The following MCPH1 variants were observed in gnomAD, a reference collection of about 807,000 sequenced individuals.
MCPH1 encodes the protein microcephalin 1.
MCPH1 carries 104 observed loss-of-function variants against 84.5 expected under a neutral mutation model. The ratio of observed to expected loss-of-function variants is 1.23; its 90% confidence interval spans 1.05 to 1.45. MCPH1 has a LOEUF of 1.45. Ranked by LOEUF, MCPH1 falls within the 40% of genes most tolerant of loss-of-function variation. MCPH1 has a pLI of 0.00. For synonymous variants in MCPH1, 514 were observed against 366.8 expected (o/e 1.40, Z -4.58); for missense variants, 1,498 against 1,005.7 (o/e 1.49, Z -6.62).
chr8:6,465,307 C>T (rs999834787), intron 9 of MCPH1, among the ~76,000 whole-genome samples: 5 of 152,230 alleles, frequency 3.3e-5, no homozygotes, highest in Non-Finnish European at 7.3e-5. Flanking sequence ...CACTGCGCCT[C>T]TCTGGTACCA....
At chr8:6,431,841 C>G (rs1186071532) in intron 4 of MCPH1, among the ~76,000 whole-genome samples, 3 of 152,144 alleles carry the variant, frequency 2.0e-5, no homozygotes, top group South Asian at 2.1e-4. Context: ...TGCCAAGAGA[C>G]AAGCAAACAT....
At chr8:6,437,570 G>A (rs932802581) in intron 5 of MCPH1, among the ~76,000 whole-genome samples, 11 of 152,128 alleles carry the variant, frequency 7.2e-5, no homozygotes, top group African/African-American at 2.7e-4. Context: ...GACAGAACTG[G>A]GTAGAACACT....
chr8:6,461,381 A>G (rs1355066075), intron 9 of MCPH1, among the ~76,000 whole-genome samples: 1 of 136,484 alleles, frequency 7.3e-6, no homozygotes, highest in African/African-American at 2.8e-5. Flanking sequence ...GCTGAAGTGC[A>G]GTGGCCCAGT....
At chr8:6,488,622 G>A (rs1314791309) in intron 11 of MCPH1, among the ~76,000 whole-genome samples, 1 of 152,150 alleles carries the variant, frequency 6.6e-6, no homozygotes, top group Admixed American at 6.5e-5. Flanking sequence ...GGGTCCTAAG[G>A]CTGCACCTTT....
chr8:6,480,886 G>A lies in MCPH1; in HGVS notation c.2136+10G>A, dbSNP rs372465130. 3.7e-6 allele frequency: 6 copies of A among 1,613,502 alleles called. No individual in the cohort carries two copies. Among genetic ancestry groups the A allele is most frequent in the East Asian group, 2.2e-5 (1 of 44,898 alleles). On this transcript the variant is annotated intron_variant, in intron 11 of 13. Transcript: ENST00000344683. ...TCTCTCTTATGATTGGGTAAGCCCT[G>A]TGTGTGAACTGCGTATTTTAAAACA...
intron 12 of MCPH1, among the ~76,000 whole-genome samples, chr8:6,614,486 C>G (rs571101336): frequency 6.6e-6 from 1 of 152,352 alleles, no homozygotes; most frequent in East Asian, 1.9e-4. Context: ...CCCCTCTTGT[C>G]CCTCCCTGCG....
intron 12 of MCPH1, among the ~76,000 whole-genome samples, chr8:6,592,614 C>CTTTTTTTTTTTTTTTTTTTTT (rs1252024553): frequency 5.5e-4 from 36 of 65,478 alleles, no homozygotes; most frequent in Non-Finnish European, 7.6e-4. Context: ...GTTTTTCTTT[C>CTTTTTTTTTTTTTTTTTTTTT]TTTTTTTTGT....
chr8:6,582,737 GC>G (rs1328931630), intron 12 of MCPH1, among the ~76,000 whole-genome samples: 3 of 152,080 alleles, frequency 2.0e-5, no homozygotes, highest in African/African-American at 7.2e-5. Flanking sequence ...TCACAGTATG[GC>G]TCTTTCCAGC....
chr8:6,539,739 A>G (rs1821197516), intron 12 of MCPH1, among the ~76,000 whole-genome samples: 2 of 151,954 alleles, frequency 1.3e-5, no homozygotes, highest in African/African-American at 4.8e-5. Flanking sequence ...GGCGCACACC[A>G]CCATGCCTGG....
intron 12 of MCPH1, chr8:6,562,606 T>C (rs1160187213): frequency 9.7e-7 from 1 of 1,030,230 alleles, no homozygotes; most frequent in South Asian, 2.1e-5. Flanking sequence ...CAAGCTGATC[T>C]TAATAGCATG....
intron 11 of MCPH1, among the ~76,000 whole-genome samples, chr8:6,485,357 G>A (rs77034256): frequency 1.3e-5 from 2 of 151,768 alleles, no homozygotes; most frequent in Non-Finnish European, 2.9e-5. Context: ...CATATCTAAC[G>A]TGCTTTCCAA....
At chr8:6,456,563 C>T (rs544980352) in intron 9 of MCPH1, among the ~76,000 whole-genome samples, 2 of 152,228 alleles carry the variant, frequency 1.3e-5, no homozygotes, top group South Asian at 4.2e-4. Flanking sequence ...TGTGCCCTCC[C>T]GCTTTACTGA....
intron 12 of MCPH1, among the ~76,000 whole-genome samples, chr8:6,529,199 G>C (rs994948157): frequency 2.0e-5 from 3 of 152,108 alleles, no homozygotes; most frequent in Non-Finnish European, 2.9e-5. Flanking sequence ...CCATCTGCAG[G>C]GGACTGTAAA....
At chr8:6,612,816 G>A (rs1465128708) in intron 12 of MCPH1, among the ~76,000 whole-genome samples, 2 of 152,258 alleles carry the variant, frequency 1.3e-5, no homozygotes, top group African/African-American at 4.8e-5. Flanking sequence ...CCGCAATTTC[G>A]TGGGTGTGGT....
At chr8:6,530,805 C>T (rs2129571467) in intron 12 of MCPH1, among the ~76,000 whole-genome samples, 1 of 152,324 alleles carries the variant, frequency 6.6e-6, no homozygotes, top group East Asian at 1.9e-4. Context: ...TCTCTGACCT[C>T]ATCCAACCAT....
chr8:6,438,890 A>G, intron 5 of MCPH1, 63 bp from the exon 6 acceptor site: 3 of 1,509,248 alleles, frequency 2.0e-6, no homozygotes, highest in Non-Finnish European at 1.8e-6. Flanking sequence ...TTTAAAAGGA[A>G]TCACATTCCT....
intron 12 of MCPH1, chr8:6,532,473 G>T: frequency 6.2e-7 from 1 of 1,611,586 alleles, no homozygotes. Context: ...TGTTGTCCTG[G>T]ATATAATTCT....
intron 12 of MCPH1, among the ~76,000 whole-genome samples, chr8:6,511,102 G>A (rs749742058): frequency 4.6e-5 from 7 of 152,006 alleles, no homozygotes; most frequent in Non-Finnish European, 8.8e-5. Context: ...AGTTCTCATG[G>A]AACTTGTTAA....
intron 13 of MCPH1, among the ~76,000 whole-genome samples, chr8:6,629,776 A>G (rs1056381138): frequency 1.3e-5 from 2 of 152,246 alleles, no homozygotes; most frequent in African/African-American, 4.8e-5. Context: ...ACAGCAGGAA[A>G]CTGAGGGCCT....
Sources: gnomAD v4.1 joint callset for allele counts (sites outside exome capture counted in the v4.1 genomes callset) on GRCh38, gnomAD v4.1.1 for gene constraint, MANE v1.5 for transcripts, NCBI Gene and HGNC (gene_info 2026-07-23, HGNC 2026-07-21) for gene names.